NCOR1: variants seen among roughly 807,000 people sequenced by gnomAD.
The protein encoded by NCOR1 is protein phosphatase 1, regulatory subunit 109.
A neutral mutation model predicts 288.1 loss-of-function variants in NCOR1; 63 were observed. The ratio of observed to expected loss-of-function variants is 0.22; its 90% CI spans 0.18 to 0.27. The LOEUF is 0.27. Among genes scored for constraint, NCOR1 ranks in the 10% least tolerant of loss-of-function variants. The pLI, the probability that NCOR1 is intolerant of heterozygous loss-of-function variation, is 1.00. For synonymous variants in NCOR1, 1,007 were observed against 1,065.9 expected (o/e 0.94, Z 1.08); for missense variants, 2,397 against 3,019.2 (o/e 0.79, Z 4.83).
In NCOR1 at chr17:16,091,583, A is replaced by G. The variant is rs1024042001; in HGVS notation, c.3016+280T>C. ...TGAAAATTCAGATGAACGGAACATA[A>G]AGCATAACTTTATTTATAATGTCTT... On this transcript the variant is annotated intron_variant, in intron 22 of 45. Transcript: ENST00000268712. 6.4e-5 allele frequency: 81 copies of G among 1,260,734 alleles called. 1 individual carries two copies. Among genetic ancestry groups the G allele is most frequent in the Non-Finnish European group, 4.4e-5 (44 of 991,442 alleles). The allele number at this position is 1,260,734 out of a possible 1,614,324, so 78.1% of individuals were successfully genotyped here. A position where few individuals can be genotyped will look rare whatever the true frequency, so the allele number is the denominator to read the frequency against.
At chr17:16,213,096 A>T (rs1041232190) in intron 1 of NCOR1, among the ~76,000 whole-genome samples, 2 of 151,994 alleles carry the variant, frequency 1.3e-5, no homozygotes, top group Non-Finnish European at 2.9e-5. Flanking sequence ...GTTATTAACT[A>T]ATCTAATCTT....
chr17:16,068,436 T>C, intron 31 of NCOR1: 1 of 278,650 alleles, frequency 3.6e-6, no homozygotes, highest in South Asian at 3.9e-5. Flanking sequence ...CATTTTGTTT[T>C]TTGTATGACT....
At chr17:16,212,429 T>C (rs951450336) in intron 1 of NCOR1, among the ~76,000 whole-genome samples, 5 of 152,132 alleles carry the variant, frequency 3.3e-5, no homozygotes, top group Admixed American at 1.3e-4. Flanking sequence ...AACAAAAATA[T>C]ATGAATCTCT....
rs1437545530 is a variant in NCOR1, at chr17:16,101,419, T to C, written c.2521A>G (p.Thr841Ala). ...GCTCTATCCAAGTCTCTTTCTTTGG[T>C]ATTATCACCTTCAACTTTAGATGCA... ...NHASKVEGDN[T>A]KERDLDRASE... Residue 841 changes from threonine to alanine, a missense_variant, in exon 20 of 46, where the codon ACC (threonine) becomes GCC (alanine). Around this residue, in one of 11 missense-constraint regions of NCOR1, gnomAD observed 1,872 missense variants for 2,187.8 expected, o/e 0.86. Coordinates refer to ENST00000268712, the MANE Select transcript of NCOR1 (RefSeq NM_006311.4). 3.7e-6 allele frequency: 6 copies of C among 1,614,228 alleles called. No homozygotes were observed. Among genetic ancestry groups the C allele is most frequent in the African/African-American group, 1.3e-5 (1 of 75,052 alleles).
Position 16,071,670 on chromosome 17 carries a change from A to G in NCOR1, c.3896-5T>C, listed in dbSNP as rs779047527. ...CAGTTGTTGCTCTTGGTGTCCCTTGAAAAAGAATTCAGGAAACATTAAAAT... is the reference window on the plus strand; with the variant it reads ...CAGTTGTTGCTCTTGGTGTCCCTTGGAAAAGAATTCAGGAAACATTAAAAT... On this transcript the variant is annotated splice_polypyrimidine_tract_variant and splice_region_variant and intron_variant, in intron 29 of 45. Transcript: ENST00000268712. 6 of 1,607,512 alleles carry G rather than the reference A, an allele frequency of 3.7e-6. No homozygotes were observed. In the East Asian group the frequency reaches 1.3e-4, roughly 36 times the overall value.
Position 16,079,967 on chromosome 17 carries a change from A to G in NCOR1, c.3498T>C (p.Thr1166=), listed in dbSNP as rs2063144285. ...ESIPSLRGSI[T]QGTPALPQTG... Reference sequence around the variant, plus strand: ...ATCAGAGATGATCGTGACTAACCTGAGTGATAGAGCCCCGTAGGGATGGAA... The same window carrying G: ...ATCAGAGATGATCGTGACTAACCTGGGTGATAGAGCCCCGTAGGGATGGAA... Residue 1166 remains threonine, a synonymous_variant, in exon 26 of 46, where the codon ACT becomes ACC. Coordinates refer to ENST00000268712, the MANE Select transcript of NCOR1 (RefSeq NM_006311.4). 1 of 1,611,970 alleles carries G rather than the reference A, an allele frequency of 6.2e-7. No individual in the cohort carries two copies. Among genetic ancestry groups the G allele is most frequent in the South Asian group, 1.1e-5 (1 of 91,024 alleles).
chr17:16,211,817 A>C (rs2092155041), intron 1 of NCOR1, among the ~76,000 whole-genome samples: 1 of 152,180 alleles, frequency 6.6e-6, no homozygotes. Context: ...AACCAAAATA[A>C]AAAACAGATG....
At chr17:16,199,148 C>T (rs569341145) in intron 1 of NCOR1, among the ~76,000 whole-genome samples, 41 of 130,564 alleles carry the variant, frequency 3.1e-4, no homozygotes, top group South Asian at 1.5e-3. Context: ...ACTTTATTAT[C>T]TCAAAAAAAA....
At position 16,138,218 on chromosome 17, in the gene NCOR1, T is replaced by G. The variant is rs2153247708; in HGVS notation, c.1353-6A>C. 1.2e-6 allele frequency: 2 copies of G among 1,607,196 alleles called. No homozygotes were observed. Among genetic ancestry groups the G allele is most frequent in the South Asian group, 2.2e-5 (2 of 89,792 alleles). On this transcript the variant is annotated splice_polypyrimidine_tract_variant and splice_region_variant and intron_variant, in intron 12 of 45. Coordinates refer to ENST00000268712, the MANE Select transcript of NCOR1 (RefSeq NM_006311.4). The stretch of plus-strand genomic sequence containing the variant: ...TTTTTGGATGCTGGATAAACCTGAG[T>G]GAAAACGAAAACAAAAACACACTTG...
chr17:16,070,612 C>G, intron 30 of NCOR1, 87 bp from the exon 31 acceptor site: 1 of 1,518,866 alleles, frequency 6.6e-7, no homozygotes, highest in South Asian at 1.3e-5. Context: ...ATGGCAGTTA[C>G]AGTTCACTGT....
chr17:16,171,120 AAT>A (rs1304409440), intron 4 of NCOR1, among the ~76,000 whole-genome samples: 1 of 152,140 alleles, frequency 6.6e-6, no homozygotes, highest in African/African-American at 2.4e-5. Context: ...TGAGGTGATG[AAT>A]ATGTTAATTA....
chr17:16,176,797 T>TG (rs2084292680), intron 3 of NCOR1, among the ~76,000 whole-genome samples: 1 of 152,068 alleles, frequency 6.6e-6, no homozygotes, highest in African/African-American at 2.4e-5. Context: ...CCTGAATTCC[T>TG]AGTTCTTTTA....
At chr17:16,164,118 A>G (rs2059149200) in intron 5 of NCOR1, among the ~76,000 whole-genome samples, 1 of 152,062 alleles carries the variant, frequency 6.6e-6, no homozygotes, top group African/African-American at 2.4e-5. Context: ...TAAAGTGCCT[A>G]TAGTCCCAGC....
At chr17:16,138,847 C>T (rs1362991842) in intron 12 of NCOR1, among the ~76,000 whole-genome samples, 161 bp downstream of exon 12, 3 of 152,182 alleles carry the variant, frequency 2.0e-5, no homozygotes, top group Non-Finnish European at 4.4e-5. Flanking sequence ...CACCTATAAA[C>T]TTACAGGAAG....
At chr17:16,106,876 TA>T (rs1323993194) in intron 19 of NCOR1, among the ~76,000 whole-genome samples, 102 of 59,824 alleles carry the variant, frequency 1.7e-3, no homozygotes, top group African/African-American at 6.6e-3. Context: ...TATATATATA[TA>T]TATATATTTT....
Position 16,148,649 on chromosome 17 carries a change from TTA to T in NCOR1, c.909+800_909+801del, listed in dbSNP as rs142343340. Among the ~76,000 whole-genome samples the T allele has an allele frequency of 1.3e-4, 17 of 128,284 alleles. No individual in the cohort carries two copies. In the East Asian group the frequency reaches 3.8e-3, roughly 29 times the overall value. The allele number at this position is 128,284 out of a possible 152,430, so 84.2% of individuals were successfully genotyped here. A position where few individuals can be genotyped will look rare whatever the true frequency, so the allele number is the denominator to read the frequency against. ...CATGAGCTAATTTCTTACTTGATAT[TTA>T]TATGTTCTTGGCAAAAAAAAAAAAA... On this transcript the variant is annotated intron_variant, in intron 9 of 45. Coordinates refer to ENST00000268712, the MANE Select transcript of NCOR1 (RefSeq NM_006311.4).
chr17:16,050,717 A>G (rs796837775), intron 40 of NCOR1, among the ~76,000 whole-genome samples: 6 of 133,982 alleles, frequency 4.5e-5, no homozygotes, highest in African/African-American at 1.8e-4. Flanking sequence ...AAAACTCTGT[A>G]AATAATCTTA....
At chr17:16,190,525 T>A (rs2087968778) in intron 2 of NCOR1, among the ~76,000 whole-genome samples, 1 of 151,154 alleles carries the variant, frequency 6.6e-6, no homozygotes, top group African/African-American at 2.4e-5. Flanking sequence ...GTATTTTTAG[T>A]AGAGACGGAG....
intron 30 of NCOR1, among the ~76,000 whole-genome samples, chr17:16,071,086 G>A (rs1338066830): frequency 2.0e-5 from 3 of 151,988 alleles, no homozygotes; most frequent in Non-Finnish European, 4.4e-5. Context: ...TTCGAGACCA[G>A]CCTTGGCAAC....
Sources: allele counts gnomAD v4.1 joint callset (sites outside exome capture counted in the v4.1 genomes callset), GRCh38; gene constraint gnomAD v4.1.1; regional missense constraint gnomAD v4.1.1; transcripts MANE v1.5; gene names NCBI Gene and HGNC (gene_info 2026-07-23, HGNC 2026-07-21).